Variants in RBFOX1 observed in about 807,000 individuals in gnomAD.
RBFOX1 encodes RNA binding fox-1 homolog 1.
RBFOX1 carries 8 observed loss-of-function variants against 57.7 expected under a neutral mutation model. The ratio of observed to expected loss-of-function variants is 0.14; its 90% CI spans 0.08 to 0.25. The LOEUF (loss-of-function observed/expected upper bound fraction) is 0.25. Among genes scored for constraint, RBFOX1 ranks in the 10% least tolerant of loss-of-function variants. The probability of loss-of-function intolerance (pLI) is 1.00; values close to 1 mark genes in which losing one functional copy is unlikely to be tolerated. For synonymous variants in RBFOX1, 326 were observed against 222.4 expected (o/e 1.47, Z -4.15); for missense variants, 611 against 548.5 (o/e 1.11, Z -1.14).
chr16:7,323,557 C>A (rs118080753), intron 4 of RBFOX1, among the ~76,000 whole-genome samples: 1 of 152,386 alleles, frequency 6.6e-6, no homozygotes, highest in Non-Finnish European at 1.5e-5. Context: ...TTTGTAGCCT[C>A]TCAGTTCATG....
intron 1 of RBFOX1, among the ~76,000 whole-genome samples, chr16:5,460,662 A>T (rs764883859): frequency 1.6e-4 from 24 of 152,184 alleles, no homozygotes; most frequent in Non-Finnish European, 2.8e-4. Flanking sequence ...TTCTGTAGGC[A>T]TTTGTTCTGC....
intron 4 of RBFOX1, among the ~76,000 whole-genome samples, chr16:7,426,330 T>C (rs566284398): frequency 6.6e-6 from 1 of 152,294 alleles, no homozygotes; most frequent in African/African-American, 2.4e-5. Context: ...CAAGAGGTGA[T>C]TAGAGGGGAG....
chr16:6,763,638 C>A (rs568586857), intron 3 of RBFOX1, among the ~76,000 whole-genome samples: 9 of 152,318 alleles, frequency 5.9e-5, no homozygotes, highest in African/African-American at 2.2e-4. Flanking sequence ...TTACGTATTT[C>A]ATTCTCTGTT....
intron 2 of RBFOX1, among the ~76,000 whole-genome samples, chr16:6,616,605 G>T (rs1045363139): frequency 2.0e-5 from 3 of 152,198 alleles, no homozygotes; most frequent in Admixed American, 6.5e-5. Context: ...GAACCTGGAG[G>T]CGGAGCTTGC....
chr16:5,677,365 C>T (rs1296105043), intron 3 of RBFOX1, among the ~76,000 whole-genome samples: 1 of 152,154 alleles, frequency 6.6e-6, no homozygotes, highest in Non-Finnish European at 1.5e-5. Flanking sequence ...GTAGTAAGGG[C>T]TAGTAAGAGA....
chr16:5,362,511 C>A (rs148701141), intron 1 of RBFOX1, among the ~76,000 whole-genome samples: 1 of 152,106 alleles, frequency 6.6e-6, no homozygotes, highest in South Asian at 2.1e-4. Flanking sequence ...TACAGGCATG[C>A]GCCAACACGC....
At chr16:5,709,375 C>A (rs1354493893) in intron 3 of RBFOX1, among the ~76,000 whole-genome samples, 1 of 152,062 alleles carries the variant, frequency 6.6e-6, no homozygotes. Context: ...CTGAATATGA[C>A]CTAATTGAAA....
intron 3 of RBFOX1, among the ~76,000 whole-genome samples, chr16:6,727,645 C>T (rs570760946): frequency 1.3e-5 from 2 of 152,134 alleles, no homozygotes; most frequent in Admixed American, 6.5e-5. Flanking sequence ...TCTTCTACCC[C>T]CTCCTTCCTT....
At chr16:7,617,166 G>T (rs889512211) in intron 10 of RBFOX1, among the ~76,000 whole-genome samples, 1 of 152,130 alleles carries the variant, frequency 6.6e-6, no homozygotes, top group Admixed American at 6.5e-5. Flanking sequence ...TAAAGCAGGG[G>T]TCTTCAAACA....
chr16:7,037,176 T>A, intron 3 of RBFOX1, among the ~76,000 whole-genome samples: 1 of 151,126 alleles, frequency 6.6e-6, no homozygotes, highest in East Asian at 1.9e-4. Flanking sequence ...TCTTATCCTG[T>A]GACTTAGAAT....
chr16:7,288,242 C>G (rs1431687557), intron 4 of RBFOX1, among the ~76,000 whole-genome samples: 1 of 152,196 alleles, frequency 6.6e-6, no homozygotes, highest in Non-Finnish European at 1.5e-5. Context: ...AGAATCCACT[C>G]TCAGAGAACT....
intron 1 of RBFOX1, among the ~76,000 whole-genome samples, chr16:6,302,814 C>CT (rs1367291946): frequency 6.6e-6 from 1 of 152,086 alleles, no homozygotes; most frequent in East Asian, 1.9e-4. Context: ...ACTTATGCCC[C>CT]TTTTAGTGAT....
chr16:5,864,901 C>G (rs143401627), intron 3 of RBFOX1, among the ~76,000 whole-genome samples: 220 of 152,344 alleles, frequency 1.4e-3, no homozygotes, highest in African/African-American at 5.0e-3. Flanking sequence ...TATTCAAACC[C>G]TGTACTTTAG....
chr16:6,122,792 ATG>A (rs1377137384), intron 1 of RBFOX1, among the ~76,000 whole-genome samples: 2 of 101,524 alleles, frequency 2.0e-5, no homozygotes, highest in Non-Finnish European at 4.1e-5. Context: ...CTGTGTGGCT[ATG>A]TGTGTGTATG....
At chr16:6,092,850 T>C (rs1294600752) in intron 1 of RBFOX1, 1 of 152,228 alleles carries the variant, frequency 6.6e-6, no homozygotes, top group African/African-American at 2.4e-5. Flanking sequence ...TCTATTTGCT[T>C]AGGATTGCCT....
At chr16:5,653,680 G>A (rs1210711822) in intron 3 of RBFOX1, among the ~76,000 whole-genome samples, 1 of 152,178 alleles carries the variant, frequency 6.6e-6, no homozygotes, top group Non-Finnish European at 1.5e-5. Context: ...TCGGCTTTTG[G>A]GGCAGGTGCT....
chr16:5,384,280 G>T (rs1290542572), intron 1 of RBFOX1, among the ~76,000 whole-genome samples: 5 of 152,182 alleles, frequency 3.3e-5, no homozygotes, highest in African/African-American at 9.6e-5. Flanking sequence ...GAAAGTCAAG[G>T]CTTGTAGCAG....
chr16:7,290,035 C>A (rs1488141834), intron 4 of RBFOX1, among the ~76,000 whole-genome samples: 1 of 152,152 alleles, frequency 6.6e-6, no homozygotes, highest in Non-Finnish European at 1.5e-5. Context: ...AACCTATAAT[C>A]TGTGCTTCCC....
chr16:5,384,811 C>CGTATAAATGTGCCTCAT (rs1471740040), intron 1 of RBFOX1, among the ~76,000 whole-genome samples: 2 of 152,076 alleles, frequency 1.3e-5, no homozygotes, highest in Non-Finnish European at 2.9e-5. Context: ...GGATGCTTCA[C>CGTATAAATGTGCCTCAT]GTATAAATGT....
Sources: allele counts gnomAD v4.1 joint callset (sites outside exome capture counted in the v4.1 genomes callset), GRCh38; gene constraint gnomAD v4.1.1; transcripts MANE v1.5; gene names NCBI Gene and HGNC (gene_info 2026-07-23, HGNC 2026-07-21).